The following PTDSS2 variants were observed in gnomAD, a reference collection of about 807,000 sequenced individuals.
PTDSS2 encodes phosphatidylserine synthase 2.
A neutral mutation model predicts 64.7 loss-of-function variants in PTDSS2; 41 were observed. The ratio of observed to expected loss-of-function variants is 0.63; its 90% confidence interval spans 0.49 to 0.82. PTDSS2 has a LOEUF of 0.82. PTDSS2 is among the 40% of genes least tolerant of loss of function. The pLI, the probability that PTDSS2 is intolerant of heterozygous loss-of-function variation, is 0.00. For missense variants in PTDSS2, 485 were observed against 650.0 expected, an observed-to-expected ratio of 0.75 and a Z score of 2.76; for synonymous variants, 297 against 277.8, an observed-to-expected ratio of 1.07 and a Z score of -0.69.
Position 479,073 on chromosome 11 carries a change from CTG to C in PTDSS2, c.368-10_368-9del. Reference sequence around the variant, plus strand: ...ACCGGGCGCACTAACGTTCTGTCGTCTGTCTTTGTAGCTTACTGGAGGTTTTG... The same window carrying C: ...ACCGGGCGCACTAACGTTCTGTCGTCTCTTTGTAGCTTACTGGAGGTTTTG... On this transcript the variant is annotated splice_polypyrimidine_tract_variant and intron_variant, in intron 3 of 11. Transcript: ENST00000308020. This position sits in a 1 kb window ranked among gnomAD's most constrained non-coding sequence, Gnocchi z 4.2. The C allele has an allele frequency of 6.2e-7, 1 of 1,613,700 alleles. No individual in the cohort carries two copies. Among genetic ancestry groups the C allele is most frequent in the Non-Finnish European group, 8.5e-7 (1 of 1,179,574 alleles).
chr11:470,497 G>A lies in PTDSS2; in HGVS notation c.285-3398G>A, dbSNP rs1847376511. On this transcript the variant is annotated intron_variant, in intron 2 of 11. Transcript: ENST00000308020. This position sits in a 1 kb window ranked among gnomAD's most constrained non-coding sequence, Gnocchi z 5.3. The stretch of plus-strand genomic sequence containing the variant: ...CCAGGAAGAGATTGTTGGGGGCGGG[G>A]CAGGGGGAAGGACATCAGGGGAGAG... Among the ~76,000 whole-genome samples, 1 of 152,190 alleles carries A rather than the reference G, an allele frequency of 6.6e-6. No homozygotes were observed. The highest frequency in any genetic ancestry group is 1.5e-5 in the Non-Finnish European group (1 of 68,034).
At chr11:471,793 T>TGGCCTGGGGTGACGTGGATGGC in intron 2 of PTDSS2, among the ~76,000 whole-genome samples, 1 of 89,978 alleles carries the variant, frequency 1.1e-5, no homozygotes, top group South Asian at 4.1e-4. Flanking sequence ...ACGCAGATGG[T>TGGCCTGGGGTGACGTGGATGGC]GGCCTGGGGT....
chr11:460,554 G>A lies in PTDSS2; in HGVS notation c.284+266G>A, dbSNP rs1322348282. ...CCACGTGACCGGCAGCCTGTGCTGC[G>A]TTTCCTCTGAGTTTTGCATGTTGAG... On this transcript the variant is annotated intron_variant, in intron 2 of 11. Coordinates refer to ENST00000308020, the MANE Select transcript of PTDSS2 (RefSeq NM_030783.3). This position sits in a 1 kb window ranked among gnomAD's most constrained non-coding sequence, Gnocchi z 5.8. 6.8e-6 allele frequency: 3 copies of A among 438,396 alleles called. No homozygotes were observed. Among genetic ancestry groups the A allele is most frequent in the Non-Finnish European group, 8.4e-6 (2 of 237,218 alleles). The allele number at this position is 438,396 out of a possible 1,614,324, so 27.2% of individuals were successfully genotyped here. A position where few individuals can be genotyped will look rare whatever the true frequency, so the allele number is the denominator to read the frequency against.
At chr11:488,082 C>T (rs1051651019) in intron 6 of PTDSS2, 117 bp from the exon 7 acceptor site, 15 of 703,702 alleles carry the variant, frequency 2.1e-5, no homozygotes, top group South Asian at 1.9e-4. Context: ...TGGGCAGGGC[C>T]GGGCGTGGCC....
chr11:474,553 T>A (rs1847632403), intron 3 of PTDSS2, among the ~76,000 whole-genome samples: 1 of 152,134 alleles, frequency 6.6e-6, no homozygotes, highest in Non-Finnish European at 1.5e-5. Flanking sequence ...GCACTCTGCC[T>A]CAGCCACCAC....
At chr11:478,278 C>T (rs1353190675) in intron 3 of PTDSS2, among the ~76,000 whole-genome samples, 2 of 149,904 alleles carry the variant, frequency 1.3e-5, no homozygotes, top group Non-Finnish European at 3.0e-5. Flanking sequence ...TGTCGAAACC[C>T]TATCTCTACA....
intron 1 of PTDSS2, among the ~76,000 whole-genome samples, chr11:457,971 G>A (rs1342566598): frequency 6.6e-6 from 1 of 152,174 alleles, no homozygotes; most frequent in African/African-American, 2.4e-5. Flanking sequence ...ATGCTGTGTC[G>A]TGGCTTGGAT....
intron 11 of PTDSS2, 45 bp downstream of exon 11, chr11:490,113 C>T (rs1437955365): frequency 6.4e-7 from 1 of 1,553,182 alleles, no homozygotes; most frequent in Non-Finnish European, 8.7e-7. Context: ...GGGCCGCTGT[C>T]CGGGTCCCTT....
chr11:489,799 G>A lies in PTDSS2; in HGVS notation c.1115+66G>A, dbSNP rs534397724. The stretch of plus-strand genomic sequence containing the variant: ...GCAGGGGCCGGAGGGCTGGGGAGCA[G>A]AGCCTGGGAGGCCGGAGCCTGGGCA... On this transcript the variant is annotated intron_variant, in intron 10 of 11. Coordinates refer to ENST00000308020, the MANE Select transcript of PTDSS2 (RefSeq NM_030783.3). 50 of 1,565,090 alleles carry A rather than the reference G, an allele frequency of 3.2e-5. No individual in the cohort carries two copies. The African/African-American group carries it at 4.5e-4, about 14-fold the overall frequency.
intron 5 of PTDSS2, 154 bp downstream of exon 5, chr11:487,227 T>C: frequency 1.0e-6 from 1 of 983,918 alleles, no homozygotes; most frequent in Non-Finnish European, 1.5e-6. Flanking sequence ...TGGATGGTGC[T>C]CATGGTGGGC....
Position 485,461 on chromosome 11 carries a change from G to A in PTDSS2, c.436-1478G>A, listed in dbSNP as rs1848307006. Among the ~76,000 whole-genome samples the A allele has an allele frequency of 4.2e-5, 6 of 144,498 alleles. No individual in the cohort carries two copies. In the South Asian group the frequency reaches 1.3e-3, roughly 32 times the overall value. 94.8% of individuals were successfully genotyped at this position (144,498 alleles called of 152,430 possible). A position where few individuals can be genotyped will look rare whatever the true frequency, so the allele number is the denominator to read the frequency against. ...CCGTGTGCGCAGGCGAGTGTAAACA[G>A]TGCACGGGTGTGTGTGCTCACTGTG... On this transcript the variant is annotated intron_variant, in intron 4 of 11. Transcript: ENST00000308020.
At chr11:489,322 G>C in intron 8 of PTDSS2, 78 bp from the exon 9 acceptor site, 3 of 1,258,828 alleles carry the variant, frequency 2.4e-6, no homozygotes, top group Admixed American at 3.6e-5. Context: ...GGGTGACCAG[G>C]AACAGTCTGT....
intron 4 of PTDSS2, among the ~76,000 whole-genome samples, chr11:483,864 A>T (rs1411385300): frequency 1.3e-5 from 2 of 152,180 alleles, no homozygotes; most frequent in Non-Finnish European, 2.9e-5. Context: ...GCGCACTGGC[A>T]CCATCACCAT....
intron 3 of PTDSS2, among the ~76,000 whole-genome samples, chr11:477,443 G>A (rs768539690): frequency 1.3e-5 from 2 of 152,196 alleles, no homozygotes; most frequent in Non-Finnish European, 2.9e-5. Context: ...AGGTGCTGGA[G>A]CTGCTCCGGG....
At chr11:466,564 C>G (rs956292975) in intron 2 of PTDSS2, among the ~76,000 whole-genome samples, 3 of 151,972 alleles carry the variant, frequency 2.0e-5, no homozygotes, top group Non-Finnish European at 4.4e-5. Flanking sequence ...TGCGCCACCT[C>G]GCCTGGCTAA....
rs137907094 is a variant in PTDSS2 at position 489,480 on chromosome 11, G to A, written c.935G>A (p.Arg312His). The A allele has an allele frequency of 1.4e-4, 228 of 1,613,200 alleles. 1 individual carries two copies. The African/African-American group carries it at 2.7e-3, about 19-fold the overall frequency. ...GAGTGGAAGCCGGCCTCCAGCCTGC[G>A]TCGCTGGCTGGCCGTGTGCGGCATC... ...RFEWKPASSL[R>H]RWLAVCGIIL... Residue 312 changes from arginine to histidine, a missense_variant, in exon 9 of 12, where the codon CGT (arginine) becomes CAT (histidine). By Grantham distance (29) the Arg-to-His change is conservative. This residue lies in a region of PTDSS2 where 219 missense variants were observed against 257.3 expected (regional missense o/e 0.85). Transcript: ENST00000308020.
intron 1 of PTDSS2, among the ~76,000 whole-genome samples, chr11:453,789 C>T (rs1176000005): frequency 2.6e-5 from 4 of 152,252 alleles, no homozygotes; most frequent in Admixed American, 1.3e-4. Context: ...TGGTCTCGGC[C>T]TCCCTGCCCA....
rs777652305 is a variant in PTDSS2, at chr11:487,071, T to G, written c.568T>G (p.Trp190Gly). ...TGAGACTGACCCCTTTCACAACATC[T>G]GGGTAAGACGCCGGGGGCCCTGAGG... ...DNETDPFHNIWDKLDGFVPAH... is the reference protein window; with the variant it reads ...DNETDPFHNIGDKLDGFVPAH... The change falls in exon 5 of 12, where the codon TGG becomes GGG. Residue 190 changes from tryptophan to glycine, a missense_variant and splice_region_variant. Transcript: ENST00000308020. 5 of 1,612,040 alleles carry G rather than the reference T, an allele frequency of 3.1e-6. No homozygotes were observed. Among genetic ancestry groups the G allele is most frequent in the Non-Finnish European group, 4.2e-6 (5 of 1,179,278 alleles).
chr11:460,392 C>G lies in PTDSS2; in HGVS notation c.284+104C>G. The G allele has an allele frequency of 3.3e-6, 3 of 905,072 alleles. No individual in the cohort carries two copies. Among genetic ancestry groups the G allele is most frequent in the Non-Finnish European group, 5.3e-6 (3 of 566,098 alleles). 56.1% of individuals were successfully genotyped at this position (905,072 alleles called of 1,614,324 possible). A position where few individuals can be genotyped will look rare whatever the true frequency, so the allele number is the denominator to read the frequency against. ...TGCCGGGGGCTCAGAAGGCCTTCACCAGAGGGCTGCGTGGGGCCGCCGGCC... is the reference window on the plus strand; with the variant it reads ...TGCCGGGGGCTCAGAAGGCCTTCACGAGAGGGCTGCGTGGGGCCGCCGGCC... On this transcript the variant is annotated intron_variant, in intron 2 of 11. Coordinates refer to ENST00000308020, the MANE Select transcript of PTDSS2 (RefSeq NM_030783.3). This position sits in a 1 kb window ranked among gnomAD's most constrained non-coding sequence, Gnocchi z 5.8.
Sources: allele counts gnomAD v4.1 joint callset (sites outside exome capture counted in the v4.1 genomes callset), GRCh38; gene constraint gnomAD v4.1.1; regional missense constraint gnomAD v4.1.1; non-coding constraint Gnocchi (gnomAD v3.1); transcripts MANE v1.5; gene names NCBI Gene and HGNC (gene_info 2026-07-23, HGNC 2026-07-21).